Variants in RAB25 observed in about 807,000 individuals in gnomAD.
The protein encoded by RAB25 is ras-related protein Rab-25.
RAB25 carries 23 observed loss-of-function variants against 25.2 expected under a neutral mutation model. The ratio of observed to expected loss-of-function variants is 0.91; its 90% confidence interval spans 0.66 to 1.29. The LOEUF is 1.29. Ranked by LOEUF, RAB25 falls within the 50% of genes most tolerant of loss-of-function variation. The pLI, the probability that RAB25 is intolerant of heterozygous loss-of-function variation, is 0.00. For synonymous variants in RAB25, 102 were observed against 111.5 expected, an observed-to-expected ratio of 0.91 and a Z score of 0.54; for missense variants, 244 against 277.3, an observed-to-expected ratio of 0.88 and a Z score of 0.85.
At position 156,070,414 on chromosome 1, in the gene RAB25, T is replaced by G; in HGVS notation, c.*127T>G. The stretch of plus-strand genomic sequence containing the variant: ...TTCCCTGTTCACAGCACCCTCAGGG[T>G]CTTAAGGTCTTCATGCCCTATCACA... On this transcript the variant is annotated 3_prime_UTR_variant, in exon 5 of 5. Coordinates refer to ENST00000361084, the MANE Select transcript of RAB25 (RefSeq NM_020387.4). 4 of 1,245,908 alleles carry G rather than the reference T, an allele frequency of 3.2e-6. No homozygotes were observed. The highest frequency in any genetic ancestry group is 4.4e-6 in the Non-Finnish European group (4 of 903,292). The allele number at this position is 1,245,908 out of a possible 1,614,324, so 77.2% of individuals were successfully genotyped here.
At position 156,069,668 on chromosome 1, in the gene RAB25, C is replaced by A; in HGVS notation, c.434-3C>A. The A allele has an allele frequency of 1.2e-6, 2 of 1,604,442 alleles. No homozygotes were observed. Among genetic ancestry groups the A allele is most frequent in the Non-Finnish European group, 1.7e-6 (2 of 1,171,308 alleles). On this transcript the variant is annotated splice_polypyrimidine_tract_variant and splice_region_variant and intron_variant, in intron 3 of 4. Coordinates refer to ENST00000361084, the MANE Select transcript of RAB25 (RefSeq NM_020387.4). The stretch of plus-strand genomic sequence containing the variant: ...ATTAATGGTGTGTTTCCCTTCCTGG[C>A]AGAAAACAATGGACTGCTCTTCCTG...
At chr1:156,069,547 G>A (rs1647845545) in intron 3 of RAB25, 124 bp from the exon 4 acceptor site, 1 of 760,736 alleles carries the variant, frequency 1.3e-6, no homozygotes, top group Non-Finnish European at 2.2e-6. Context: ...GTTGTTTTAA[G>A]GATTAAATGA....
chr1:156,063,865 G>A (rs915751852), intron 1 of RAB25, among the ~76,000 whole-genome samples: 2 of 152,216 alleles, frequency 1.3e-5, no homozygotes, highest in Non-Finnish European at 2.9e-5. Context: ...ATTCTTATGA[G>A]GATTAAATGA....
At chr1:156,068,190 T>A (rs1486876467) in intron 2 of RAB25, 80 bp from the exon 3 acceptor site, 3 of 1,286,206 alleles carry the variant, frequency 2.3e-6, no homozygotes, top group Non-Finnish European at 3.3e-6. Context: ...TCCCGGGTGT[T>A]CCAGCTTGAC....
intron 4 of RAB25, 174 bp from the exon 5 acceptor site, chr1:156,069,986 A>G (rs1647859921): frequency 2.0e-5 from 21 of 1,035,818 alleles, no homozygotes; most frequent in Non-Finnish European, 3.0e-5. Flanking sequence ...TTCTCCACCC[A>G]AGTAAGTAGA....
At chr1:156,064,119 AACACACACACACATATAC>A (rs1317161779) in intron 1 of RAB25, among the ~76,000 whole-genome samples, 2 of 151,876 alleles carry the variant, frequency 1.3e-5, no homozygotes, top group African/African-American at 4.8e-5. Context: ...GAGAGGCAGG[AACACACACACACATATAC>A]ACACACACAC....
At chr1:156,064,065 G>A (rs2102769281) in intron 1 of RAB25, among the ~76,000 whole-genome samples, 1 of 152,188 alleles carries the variant, frequency 6.6e-6, no homozygotes, top group African/African-American at 2.4e-5. Flanking sequence ...CTAGGGCTGA[G>A]AGCCCACCCA....
chr1:156,070,492 T>A lies in RAB25; in HGVS notation c.*205T>A. 1.6e-6 allele frequency: 1 copy of A among 639,820 alleles called. No homozygotes were observed. The allele number at this position is 639,820 out of a possible 1,614,324, so 39.6% of individuals were successfully genotyped here. On this transcript the variant is annotated 3_prime_UTR_variant, in exon 5 of 5. Coordinates refer to ENST00000361084, the MANE Select transcript of RAB25 (RefSeq NM_020387.4). ...ACAGACTAGGACCCTCAAATAAAGC[T>A]GTTTTATATCAATGCCTGGTCATTC...
rs772757207 is a variant in RAB25, at chr1:156,069,769, T to C, written c.514+18T>C. The C allele has an allele frequency of 1.9e-6, 3 of 1,582,096 alleles. No individual in the cohort carries two copies. In the South Asian group the frequency reaches 3.3e-5, roughly 17 times the overall value. The stretch of plus-strand genomic sequence containing the variant: ...CCTGAAAGGTTAGAGCCTACCTTTA[T>C]TCTGCACCCCTATTCCATCCCCGTG... On this transcript the variant is annotated intron_variant, in intron 4 of 4. Transcript: ENST00000361084.
chr1:156,068,558 A>T (rs970346266), intron 3 of RAB25, 95 bp downstream of exon 3: 49 of 1,278,126 alleles, frequency 3.8e-5, no homozygotes, highest in Non-Finnish European at 4.9e-5. Context: ...TAGAGCCCCT[A>T]GCCTGGCCTT....
At chr1:156,061,883 C>G (rs1391917237) in intron 1 of RAB25, among the ~76,000 whole-genome samples, 1 of 152,168 alleles carries the variant, frequency 6.6e-6, no homozygotes, top group Non-Finnish European at 1.5e-5. Flanking sequence ...CTCCTGGGTT[C>G]AAGCGATTCT....
chr1:156,068,734 G>T (rs1250821797), intron 3 of RAB25, among the ~76,000 whole-genome samples: 2 of 146,446 alleles, frequency 1.4e-5, no homozygotes, highest in African/African-American at 5.1e-5. Context: ...TGTTGCCTAG[G>T]CTAGAGTGCA....
At position 156,062,283 on chromosome 1, in the gene RAB25, C is replaced by T. The variant is rs72708248; in HGVS notation, c.43+840C>T. ...CAGAGGACTCCTAGGGTTGTAGCCT[C>T]GTCTGCCTGGCCCTTGGCTGACTCA... On this transcript the variant is annotated intron_variant, in intron 1 of 4. Coordinates refer to ENST00000361084, the MANE Select transcript of RAB25 (RefSeq NM_020387.4). Among the ~76,000 whole-genome samples the T allele has an allele frequency of 7.5e-3, 1,142 of 152,298 alleles. 7 individuals are homozygous for T. Among genetic ancestry groups the T allele is most frequent in the Non-Finnish European group, 0.011 (741 of 68,034 alleles).
At chr1:156,066,695 T>A (rs570331376) in intron 2 of RAB25, among the ~76,000 whole-genome samples, 2 of 152,246 alleles carry the variant, frequency 1.3e-5, no homozygotes, top group East Asian at 3.9e-4. Context: ...TCCCAGCACT[T>A]TGGGAGGCCA....
intron 1 of RAB25, among the ~76,000 whole-genome samples, chr1:156,063,619 G>A (rs922937080): frequency 1.3e-5 from 2 of 152,168 alleles, no homozygotes; most frequent in African/African-American, 4.8e-5. Flanking sequence ...CCCAGAAAAG[G>A]CATGACTTCC....
At chr1:156,063,052 TA>T (rs1158919173) in intron 1 of RAB25, among the ~76,000 whole-genome samples, 5,883 of 67,932 alleles carry the variant, frequency 0.087, 150 homozygotes, top group Middle Eastern at 0.1. Context: ...AGACTCTGTC[TA>T]AAAAAAAAAA....
intron 3 of RAB25, among the ~76,000 whole-genome samples, chr1:156,069,122 A>G (rs1647835059): frequency 6.6e-6 from 1 of 152,188 alleles, no homozygotes; most frequent in African/African-American, 2.4e-5. Context: ...CCCATGGCCC[A>G]GTCTCCCATC....
chr1:156,063,096 G>A (rs12049195), intron 1 of RAB25, among the ~76,000 whole-genome samples: 69,022 of 149,480 alleles, frequency 0.46, 17,127 homozygotes, highest in Admixed American at 0.55. Flanking sequence ...GTTGGGTTGG[G>A]GTCCCTAGAA....
intron 3 of RAB25, 70 bp downstream of exon 3, chr1:156,068,533 C>T (rs1186452065): frequency 7.4e-6 from 11 of 1,494,490 alleles, no homozygotes; most frequent in Non-Finnish European, 8.2e-6. Context: ...GTCTCCCAGC[C>T]CCTGCCCCCA....
Sources: allele counts gnomAD v4.1 joint callset (sites outside exome capture counted in the v4.1 genomes callset), GRCh38; gene constraint gnomAD v4.1.1; transcripts MANE v1.5; gene names NCBI Gene and HGNC (gene_info 2026-07-23, HGNC 2026-07-21).